The following CIT variants were observed in gnomAD, a reference collection of about 807,000 sequenced individuals.
The protein encoded by CIT is citron rho-interacting serine/threonine kinase, also known as citron Rho-interacting kinase.
CIT carries 79 observed loss-of-function variants against 272.7 expected under a neutral mutation model. The observed-to-expected ratio is 0.29, with a 90% CI of 0.24 to 0.35. The LOEUF (loss-of-function observed/expected upper bound fraction) is 0.35, where lower values mean the gene tolerates loss of function less well. CIT is among the 10% of genes least tolerant of loss of function. The pLI is 1.00. For missense variants in CIT, 1,909 were observed against 2,618.3 expected, an observed-to-expected ratio of 0.73 and a Z score of 5.91; for synonymous variants, 948 against 995.6, an observed-to-expected ratio of 0.95 and a Z score of 0.90.
intron 9 of CIT, among the ~76,000 whole-genome samples, chr12:119,811,191 T>C (rs967776490): frequency 1.2e-4 from 18 of 152,020 alleles, no homozygotes; most frequent in Admixed American, 1.3e-4. Context: ...CCGGGTGTGG[T>C]GATGCACATG....
intron 5 of CIT, among the ~76,000 whole-genome samples, chr12:119,838,235 G>C (rs1969156062): frequency 6.6e-6 from 1 of 151,972 alleles, no homozygotes; most frequent in Non-Finnish European, 1.5e-5. Context: ...ACCATGCCCA[G>C]CTAATTTTTG....
chr12:119,845,490 T>G (rs1450512218), intron 5 of CIT, among the ~76,000 whole-genome samples: 3 of 151,150 alleles, frequency 2.0e-5, no homozygotes, highest in African/African-American at 7.3e-5. Flanking sequence ...CTGTCTCTAC[T>G]AAAAATACAA....
At chr12:119,841,465 G>A (rs535748064) in intron 5 of CIT, among the ~76,000 whole-genome samples, 18 of 152,150 alleles carry the variant, frequency 1.2e-4, no homozygotes, top group African/African-American at 4.1e-4. Context: ...GTGAGCCACC[G>A]TGCCCAGCCA....
At position 119,857,716 on chromosome 12, in the gene CIT, G is replaced by A; in HGVS notation, c.239-18C>T. On this transcript the variant is annotated intron_variant, in intron 3 of 47. Coordinates refer to ENST00000392521, the MANE Select transcript of CIT (RefSeq NM_001206999.2). The stretch of plus-strand genomic sequence containing the variant: ...GTCGGAATCTGCAAAAGATGCAAGA[G>A]TTAGCCCCAGGTAAATAAAGCATGC... 7 of 1,602,646 alleles carry A rather than the reference G, an allele frequency of 4.4e-6. No individual in the cohort carries two copies. Among genetic ancestry groups the A allele is most frequent in the South Asian group, 1.1e-5 (1 of 89,360 alleles).
chr12:119,695,439 G>C (rs538642415), intron 46 of CIT, among the ~76,000 whole-genome samples: 1 of 152,252 alleles, frequency 6.6e-6, no homozygotes, highest in East Asian at 1.9e-4. Flanking sequence ...TTGGTGGCCT[G>C]GGGGACTGCT....
At position 119,768,878 on chromosome 12, in the gene CIT, T is replaced by C. The variant is rs1438391845; in HGVS notation, c.2209-1696A>G. On this transcript the variant is annotated intron_variant, in intron 18 of 47. Coordinates refer to ENST00000392521, the MANE Select transcript of CIT (RefSeq NM_001206999.2). This position sits in a 1 kb window ranked among gnomAD's most constrained non-coding sequence, Gnocchi z 4.3. Reference sequence around the variant, plus strand: ...GGCGATGTATGTTCAGGCATCATCATTACATAATGGTACTAAGGACCACTC... The same window carrying C: ...GGCGATGTATGTTCAGGCATCATCACTACATAATGGTACTAAGGACCACTC... Among the ~76,000 whole-genome samples, 2 of 152,160 alleles carry C rather than the reference T, an allele frequency of 1.3e-5. No homozygotes were observed. The highest frequency in any genetic ancestry group is 2.9e-5 in the Non-Finnish European group (2 of 68,034).
At position 119,815,108 on chromosome 12, in the gene CIT, ACACAC is replaced by A. The variant is rs1967044840; in HGVS notation, c.1111+7707_1111+7711del. Among the ~76,000 whole-genome samples the A allele has an allele frequency of 5.6e-4, 12 of 21,442 alleles. No individual in the cohort carries two copies. In the South Asian group the frequency reaches 0.011, roughly 19 times the overall value. 14.1% of individuals were successfully genotyped at this position (21,442 alleles called of 152,430 possible). ...CATACCACACACACACACACACAAC[ACACAC>A]ACACACACACACACACACACTAAAT... is the stretch of plus-strand genomic sequence containing the variant. On this transcript the variant is annotated intron_variant, in intron 9 of 47. Transcript: ENST00000392521.
At chr12:119,700,684 A>G in intron 44 of CIT, 61 bp downstream of exon 44, 2 of 1,377,926 alleles carry the variant, frequency 1.5e-6, no homozygotes, top group Non-Finnish European at 2.0e-6. Flanking sequence ...CCCGGATGCA[A>G]TTCTTTTCCA....
At position 119,701,853 on chromosome 12, in the gene CIT, C is replaced by T. The variant is rs770972219; in HGVS notation, c.5410G>A (p.Glu1804Lys). ...YEIDMKQYTL[E>K]EFLDKNDHSL... is the part of the protein sequence containing the mutation. Reference sequence around the variant, plus strand: ...CGAAAGTGGAGGTGGGTCCTACCCTCGAGCGTGTACTGCTTCATGTCGATT... The same window carrying T: ...CGAAAGTGGAGGTGGGTCCTACCCTTGAGCGTGTACTGCTTCATGTCGATT... Residue 1804 changes from glutamate (E) to lysine (K), a missense_variant, in exon 42 of 48, where the codon GAG (glutamate) becomes AAG (lysine). Physicochemically the swap from Glu to Lys is moderately conservative, Grantham distance 56 (BLOSUM62 1). Coordinates refer to ENST00000392521, the MANE Select transcript of CIT (RefSeq NM_001206999.2). 2 of 1,613,868 alleles carry T rather than the reference C, an allele frequency of 1.2e-6. No homozygotes were observed. The highest frequency in any genetic ancestry group is 1.3e-5 in the African/African-American group (1 of 74,916).
intron 23 of CIT, among the ~76,000 whole-genome samples, chr12:119,751,511 G>C (rs1312476582): frequency 6.6e-6 from 1 of 151,520 alleles, no homozygotes. Flanking sequence ...AAGGAAGCCA[G>C]GTCCCTTTTA....
rs1477161089 is a variant in CIT at position 119,694,114 on chromosome 12, C to T, written c.5882+3545G>A. On this transcript the variant is annotated intron_variant, in intron 46 of 47. Transcript: ENST00000392521. This position sits in a 1 kb window ranked among gnomAD's most constrained non-coding sequence, Gnocchi z 4.5. Reference sequence around the variant, plus strand: ...TCTAGCTCCTAGCACTGTGTCAAGACGAGGCCAGTCCCACTTCCACACGCA... The same window carrying T: ...TCTAGCTCCTAGCACTGTGTCAAGATGAGGCCAGTCCCACTTCCACACGCA... Among the ~76,000 whole-genome samples, 7 of 152,164 alleles carry T rather than the reference C, an allele frequency of 4.6e-5. No homozygotes were observed. Among genetic ancestry groups the T allele is most frequent in the East Asian group, 1.9e-4 (1 of 5,198 alleles).
At chr12:119,759,892 G>C (rs1224497771) in intron 20 of CIT, among the ~76,000 whole-genome samples, 3 of 151,964 alleles carry the variant, frequency 2.0e-5, no homozygotes, top group Non-Finnish European at 4.4e-5. Context: ...TCCCCTCAGA[G>C]ATCCTGATGT....
rs746529767 is a variant in CIT, at chr12:119,776,683, T to G, written c.1825A>C (p.Lys609Gln). ...FKRKATECQHKLLKAKDQGKP... is the reference protein window; with the variant it reads ...FKRKATECQHQLLKAKDQGKP... ...GGGTGGCTGACTACCTTCAACAGTTTATGCTGACATTCTGTCGCTTTCCGC... is the reference window on the plus strand; with the variant it reads ...GGGTGGCTGACTACCTTCAACAGTTGATGCTGACATTCTGTCGCTTTCCGC... The change falls in exon 14 of 48, where the codon AAA (lysine) becomes CAA (glutamine). Residue 609 changes from lysine to glutamine, a missense_variant. Lys to Gln is a moderately conservative substitution (Grantham distance 53). Transcript: ENST00000392521. 3.1e-6 allele frequency: 5 copies of G among 1,613,554 alleles called. No homozygotes were observed. The African/African-American group carries it at 6.7e-5, about 22-fold the overall frequency.
Position 119,701,773 on chromosome 12 carries a change from C to CG in CIT, c.5414-22dup, listed in dbSNP as rs1178385927. 4.3e-6 allele frequency: 7 copies of CG among 1,614,038 alleles called. No individual in the cohort carries two copies. The Admixed American group carries it at 6.7e-5, about 15-fold the overall frequency. On this transcript the variant is annotated intron_variant, in intron 42 of 47. Transcript: ENST00000392521. ...GAATTCTGTAAAGGCAGGCGAGAAG[C>CG]GGGGCTTCAGGAGTGAGTTCTGAGT...
intron 13 of CIT, among the ~76,000 whole-genome samples, chr12:119,779,106 G>T (rs1964056409): frequency 6.6e-6 from 1 of 152,116 alleles, no homozygotes; most frequent in Admixed American, 6.5e-5. Context: ...TGTAATCCCA[G>T]CTACTTGGAA....
intron 13 of CIT, among the ~76,000 whole-genome samples, chr12:119,777,428 T>C (rs527441796): frequency 2.6e-5 from 4 of 151,700 alleles, no homozygotes; most frequent in African/African-American, 4.8e-5. Context: ...TCCCAGAACT[T>C]TGGGAGGCTG....
rs1339195909 is a variant in CIT, at chr12:119,730,482, G to C, written c.3486+13C>G. ...AAATGTTTTCCTAAAAAGCAGAAGG[G>C]GTGGGCGCTGACCTTGTCAGAGAGG... On this transcript the variant is annotated intron_variant, in intron 27 of 47. Coordinates refer to ENST00000392521, the MANE Select transcript of CIT (RefSeq NM_001206999.2). The C allele has an allele frequency of 6.3e-7, 1 of 1,587,804 alleles. No homozygotes were observed. Among genetic ancestry groups the C allele is most frequent in the African/African-American group, 1.4e-5 (1 of 74,016 alleles).
intron 15 of CIT, 87 bp downstream of exon 15, chr12:119,776,271 C>A: frequency 9.9e-7 from 1 of 1,005,050 alleles, no homozygotes; most frequent in Non-Finnish European, 1.6e-6. Flanking sequence ...GAAGAATACT[C>A]TTCATCAATG....
chr12:119,723,599 G>A (rs1241081637), intron 28 of CIT, among the ~76,000 whole-genome samples: 1 of 152,228 alleles, frequency 6.6e-6, no homozygotes, highest in African/African-American at 2.4e-5. Flanking sequence ...AGGAAACTGG[G>A]AGGAAAAAGA....
Sources: allele counts gnomAD v4.1 joint callset (sites outside exome capture counted in the v4.1 genomes callset), GRCh38; gene constraint gnomAD v4.1.1; non-coding constraint Gnocchi (gnomAD v3.1); transcripts MANE v1.5; gene names NCBI Gene and HGNC (gene_info 2026-07-23, HGNC 2026-07-21).